CFAP70: variants seen among roughly 807,000 people sequenced by gnomAD.
CFAP70 encodes cilia- and flagella-associated protein 70.
CFAP70 carries 81 observed loss-of-function variants against 137.6 expected under a neutral mutation model. The observed-to-expected ratio is 0.59, with a 90% CI of 0.49 to 0.71. CFAP70 has a LOEUF of 0.71. Ranked by LOEUF, CFAP70 falls within the 30% of genes least tolerant of loss-of-function variation. The pLI is 0.00. For missense variants in CFAP70, 976 were observed against 1,226.7 expected (o/e 0.80, Z 3.05); for synonymous variants, 382 against 423.6 (o/e 0.90, Z 1.20).
At chr10:73,273,502 C>A (rs893978439) in intron 23 of CFAP70, among the ~76,000 whole-genome samples, 3 of 152,176 alleles carry the variant, frequency 2.0e-5, no homozygotes, top group African/African-American at 7.2e-5. Context: ...AAGGACATAG[C>A]CCTGAAGGGA....
upstream of CFAP70, among the ~76,000 whole-genome samples, chr10:73,361,960 A>T (rs1274126939): frequency 6.6e-6 from 1 of 152,192 alleles, no homozygotes; most frequent in Non-Finnish European, 1.5e-5. Context: ...CAGTTGGAAA[A>T]CTCACACTTC....
chr10:73,262,100 T>A (rs1465356232), intron 25 of CFAP70, among the ~76,000 whole-genome samples: 1 of 148,538 alleles, frequency 6.7e-6, no homozygotes, highest in Non-Finnish European at 1.5e-5. Flanking sequence ...ATATAATACA[T>A]ATACAGTAGT....
chr10:73,284,432 C>G (rs1259558318), intron 19 of CFAP70, among the ~76,000 whole-genome samples: 1 of 152,014 alleles, frequency 6.6e-6, no homozygotes, highest in Non-Finnish European at 1.5e-5. Context: ...TATAAGGCAA[C>G]AGTTCCAGGT....
At chr10:73,307,902 T>C (rs1184666637) in intron 12 of CFAP70, among the ~76,000 whole-genome samples, 1 of 149,582 alleles carries the variant, frequency 6.7e-6, no homozygotes, top group East Asian at 2.0e-4. Context: ...CCTAGCACTT[T>C]GGGAGGCTGA....
intron 23 of CFAP70, 134 bp from the exon 25 acceptor site, chr10:73,273,151 C>T (rs930165477): frequency 2.8e-6 from 2 of 721,584 alleles, no homozygotes; most frequent in Non-Finnish European, 4.8e-6. Context: ...TGTACTTTGA[C>T]GTCTACCTTA....
intron 16 of CFAP70, 99 bp downstream of exon 17, chr10:73,293,164 C>A (rs1054918978): frequency 2.2e-6 from 3 of 1,341,744 alleles, no homozygotes; most frequent in Non-Finnish European, 3.0e-6. Context: ...ATGTGTCTAC[C>A]CTTTCACCAA....
chr10:73,356,094 TTTC>T (rs1487890836), intron 1 of CFAP70, among the ~76,000 whole-genome samples: 1 of 152,214 alleles, frequency 6.6e-6, no homozygotes. Context: ...TCTTAATGTA[TTTC>T]TTATTTAGTC....
chr10:73,277,267 A>G (rs767956045), exon 21 of CFAP70: 21 of 1,613,918 alleles, frequency 1.3e-5, no homozygotes, highest in Non-Finnish European at 1.8e-5. Context: ...TCATCAAGAA[A>G]TGTATGGTCT....
At chr10:73,253,871 T>G in exon 27 of CFAP70, 1 of 861,232 alleles carries the variant, frequency 1.2e-6, no homozygotes, top group Non-Finnish European at 1.8e-6. Flanking sequence ...CTGTTTATAG[T>G]GAAGATTCTT....
At chr10:73,314,959 A>G (rs2050216000) in intron 9 of CFAP70, among the ~76,000 whole-genome samples, 1 of 150,736 alleles carries the variant, frequency 6.6e-6, no homozygotes, top group Admixed American at 6.6e-5. Context: ...CACACCTGTA[A>G]TCCCAGCACT....
chr10:73,340,109 CA>C (rs1404085794), intron 6 of CFAP70, among the ~76,000 whole-genome samples: 1 of 152,230 alleles, frequency 6.6e-6, no homozygotes, highest in African/African-American at 2.4e-5. Context: ...CTCCTCTCTG[CA>C]GGCAGGTTGT....
intron 19 of CFAP70, among the ~76,000 whole-genome samples, chr10:73,281,381 G>A (rs1755232234): frequency 1.3e-5 from 2 of 151,142 alleles, no homozygotes; most frequent in South Asian, 4.2e-4. Context: ...TAGAGATAGA[G>A]TTTTGCCATT....
chr10:73,275,815 A>G lies in CFAP70; in HGVS notation c.2521-217T>C. ...TAGTCACCAAATGAAGACATTACCA[A>G]GTGAATAACTTGCAATATTGTACAA... On this transcript the variant is annotated intron_variant, in intron 21 of 26. Transcript: ENST00000310715. This position sits in a 1 kb window ranked among gnomAD's most constrained non-coding sequence, Gnocchi z 4.0. 2.4e-6 allele frequency: 1 copy of G among 420,232 alleles called. No individual in the cohort carries two copies. Among genetic ancestry groups the G allele is most frequent in the South Asian group, 4.7e-5 (1 of 21,424 alleles). The allele number at this position is 420,232 out of a possible 1,614,324, so 26.0% of individuals were successfully genotyped here.
chr10:73,349,401 G>C (rs1289703196), intron 3 of CFAP70, among the ~76,000 whole-genome samples: 1 of 152,112 alleles, frequency 6.6e-6, no homozygotes, highest in Non-Finnish European at 1.5e-5. Context: ...AAATTAGCCA[G>C]GCGTGGTGGC....
intron 14 of CFAP70, among the ~76,000 whole-genome samples, chr10:73,297,895 T>C (rs2048658892): frequency 6.6e-6 from 1 of 152,184 alleles, no homozygotes; most frequent in African/African-American, 2.4e-5. Flanking sequence ...TAAAGTCACG[T>C]TTCAAGGTCA....
chr10:73,335,747 T>G (rs1190287530), intron 6 of CFAP70, among the ~76,000 whole-genome samples: 1 of 151,906 alleles, frequency 6.6e-6, no homozygotes, highest in African/African-American at 2.4e-5. Context: ...ATAGTTACAT[T>G]GATCCAGTAC....
At chr10:73,320,501 A>T (rs550317769) in intron 9 of CFAP70, among the ~76,000 whole-genome samples, 26 of 151,220 alleles carry the variant, frequency 1.7e-4, no homozygotes, top group South Asian at 6.3e-4. Flanking sequence ...TTAAAAAAAA[A>T]TTTTTTTTGT....
exon 15 of CFAP70, chr10:73,297,171 A>G (rs750051516): frequency 9.9e-6 from 16 of 1,611,708 alleles, no homozygotes; most frequent in Non-Finnish European, 1.4e-5. Context: ...TTACCACAGC[A>G]TGCTGCAAGA....
chr10:73,328,785 A>G (rs1292049035), intron 8 of CFAP70, among the ~76,000 whole-genome samples: 1 of 151,120 alleles, frequency 6.6e-6, no homozygotes, highest in African/African-American at 2.4e-5. Context: ...TAAAACCACA[A>G]TGAGATACCA....
Sources: gnomAD v4.1 joint callset for allele counts (sites outside exome capture counted in the v4.1 genomes callset) on GRCh38, gnomAD v4.1.1 for gene constraint, Gnocchi (gnomAD v3.1) non-coding constraint, MANE v1.5 for transcripts, NCBI Gene and HGNC (gene_info 2026-07-23, HGNC 2026-07-21) for gene names.